The following CNTNAP5 variants were observed in gnomAD, a reference collection of about 807,000 sequenced individuals.
CNTNAP5 encodes the protein contactin-associated protein-like 5.
CNTNAP5 carries 72 observed loss-of-function variants against 150.2 expected under a neutral mutation model. The observed-to-expected ratio is 0.48, with a 90% CI of 0.40 to 0.58. The LOEUF (loss-of-function observed/expected upper bound fraction) is 0.58, where lower values mean the gene tolerates loss of function less well. Ranked by LOEUF, CNTNAP5 falls within the 20% of genes least tolerant of loss-of-function variation. The probability of loss-of-function intolerance (pLI) is 0.00; values close to 1 mark genes in which losing one functional copy is unlikely to be tolerated. For missense variants in CNTNAP5, 1,636 were observed against 1,626.2 expected (o/e 1.01, Z -0.10); for synonymous variants, 672 against 619.8 (o/e 1.08, Z -1.25).
chr2:124,443,890 T>C (rs1692738756), intron 5 of CNTNAP5, among the ~76,000 whole-genome samples: 1 of 151,878 alleles, frequency 6.6e-6, no homozygotes, highest in Non-Finnish European at 1.5e-5. Flanking sequence ...GTTTAATATT[T>C]GGACTTATTA....
intron 13 of CNTNAP5, among the ~76,000 whole-genome samples, chr2:124,715,734 T>C (rs1679931215): frequency 6.6e-6 from 1 of 152,134 alleles, no homozygotes; most frequent in African/African-American, 2.4e-5. Flanking sequence ...GCCTTGGAAA[T>C]GCAATCTTCA....
At chr2:124,775,202 C>T (rs953830822) in intron 17 of CNTNAP5, among the ~76,000 whole-genome samples, 5 of 152,106 alleles carry the variant, frequency 3.3e-5, no homozygotes, top group African/African-American at 1.2e-4. Context: ...TGTCAGGTAG[C>T]CAACAAAGCT....
chr2:124,269,762 TGG>T lies in CNTNAP5; in HGVS notation c.381+27370_381+27371del, dbSNP rs569873668. Among the ~76,000 whole-genome samples the T allele has an allele frequency of 2.3e-3, 344 of 152,266 alleles. 2 individuals are homozygous for T. Among genetic ancestry groups the T allele is most frequent in the African/African-American group, 8.1e-3 (336 of 41,560 alleles). ...CACGACCTTATCCTACAGCATGTGA[TGG>T]AGCAAAGAAGTAAAAAATGTATGTT... On this transcript the variant is annotated intron_variant, in intron 3 of 23. Transcript: ENST00000682447.
At chr2:124,067,218 C>A (rs181357415) in intron 1 of CNTNAP5, among the ~76,000 whole-genome samples, 1 of 152,262 alleles carries the variant, frequency 6.6e-6, no homozygotes, top group East Asian at 1.9e-4. Context: ...AAACTGCCAC[C>A]AACTTCATGG....
At position 124,451,687 on chromosome 2, in the gene CNTNAP5, C is replaced by A. The variant is rs112093070; in HGVS notation, c.918+4750C>A. Among the ~76,000 whole-genome samples the A allele has an allele frequency of 4.1e-4, 63 of 152,102 alleles. 2 individuals are homozygous for A. The highest frequency in any genetic ancestry group is 1.5e-3 in the African/African-American group (61 of 41,470). ...AAAGAAGCAGATTGCTTCTGCAGGA[C>A]CCAGGAGGCACCCCAAATACTGCGA... is the stretch of plus-strand genomic sequence containing the variant. On this transcript the variant is annotated intron_variant, in intron 6 of 23. Coordinates refer to ENST00000682447, the MANE Select transcript of CNTNAP5 (RefSeq NM_001367498.1).
At chr2:124,318,765 T>C (rs1295508931) in intron 3 of CNTNAP5, among the ~76,000 whole-genome samples, 1 of 151,928 alleles carries the variant, frequency 6.6e-6, no homozygotes, top group African/African-American at 2.4e-5. Context: ...CCCCAAAATC[T>C]CCTTCCCCCT....
intron 1 of CNTNAP5, among the ~76,000 whole-genome samples, chr2:124,066,774 C>A (rs1215035818): frequency 1.3e-5 from 2 of 152,076 alleles, no homozygotes; most frequent in African/African-American, 4.8e-5. Context: ...ATGAAGAATG[C>A]CCCAATCATA....
intron 13 of CNTNAP5, among the ~76,000 whole-genome samples, chr2:124,665,938 G>A (rs1444033138): frequency 6.6e-6 from 1 of 151,880 alleles, no homozygotes; most frequent in Non-Finnish European, 1.5e-5. Flanking sequence ...ATTTAATGCT[G>A]CTTTTATAAA....
At chr2:124,025,854 G>A in intron 1 of CNTNAP5, 122 bp downstream of exon 1, 1 of 844,684 alleles carries the variant, frequency 1.2e-6, no homozygotes, top group Non-Finnish European at 2.0e-6. Context: ...GAAAAAAAAT[G>A]CTGATCAGTG....
intron 6 of CNTNAP5, among the ~76,000 whole-genome samples, chr2:124,448,817 G>T (rs1692892997): frequency 6.6e-6 from 1 of 152,150 alleles, no homozygotes; most frequent in Non-Finnish European, 1.5e-5. Flanking sequence ...CTGGTATACA[G>T]AACTTACAAT....
intron 1 of CNTNAP5, among the ~76,000 whole-genome samples, chr2:124,169,347 A>G (rs1420414578): frequency 6.6e-6 from 1 of 152,176 alleles, no homozygotes; most frequent in Non-Finnish European, 1.5e-5. Flanking sequence ...ACAAATGGAC[A>G]AAAGCAGAAT....
At chr2:124,563,135 T>C (rs1411230187) in intron 10 of CNTNAP5, 82 bp from the exon 11 acceptor site, 10 of 807,782 alleles carry the variant, frequency 1.2e-5, no homozygotes, top group Non-Finnish European at 1.9e-5. Context: ...ATTGAGGCAG[T>C]TGGATATGAG....
intron 3 of CNTNAP5, among the ~76,000 whole-genome samples, chr2:124,288,854 G>C (rs531557923): frequency 6.6e-5 from 10 of 152,290 alleles, no homozygotes; most frequent in African/African-American, 2.4e-4. Flanking sequence ...ACAGTGACTG[G>C]AAAGTCAGAG....
intron 7 of CNTNAP5, among the ~76,000 whole-genome samples, chr2:124,486,905 A>G (rs1573407056): frequency 6.6e-6 from 1 of 152,334 alleles, no homozygotes; most frequent in East Asian, 1.9e-4. Context: ...AATTAGAAGT[A>G]CTCTAATAAT....
intron 1 of CNTNAP5, among the ~76,000 whole-genome samples, chr2:124,217,183 C>G (rs1055399039): frequency 2.6e-5 from 4 of 152,010 alleles, no homozygotes; most frequent in Non-Finnish European, 5.9e-5. Flanking sequence ...GTTGTGTGTC[C>G]CATTGGAAGT....
At chr2:124,685,745 T>TGC (rs1679179044) in intron 13 of CNTNAP5, among the ~76,000 whole-genome samples, 1 of 111,972 alleles carries the variant, frequency 8.9e-6, no homozygotes, top group Non-Finnish European at 2.2e-5. Flanking sequence ...AGTAAGTGTG[T>TGC]GTGTGTGTGT....
intron 1 of CNTNAP5, among the ~76,000 whole-genome samples, chr2:124,091,973 T>C (rs1243601592): frequency 6.6e-6 from 1 of 152,218 alleles, no homozygotes; most frequent in Non-Finnish European, 1.5e-5. Flanking sequence ...TCGGCTTCTG[T>C]GCCTTCTTTG....
intron 17 of CNTNAP5, among the ~76,000 whole-genome samples, chr2:124,776,831 A>G (rs1408161406): frequency 6.6e-6 from 1 of 152,228 alleles, no homozygotes; most frequent in African/African-American, 2.4e-5. Context: ...ATCAACGGTG[A>G]AACAAAAAGT....
chr2:124,611,188 C>T (rs539713487), intron 12 of CNTNAP5, among the ~76,000 whole-genome samples: 2 of 152,286 alleles, frequency 1.3e-5, no homozygotes, highest in South Asian at 4.1e-4. Flanking sequence ...TGTAGGCAGA[C>T]ACTGTTTTAG....
Sources: allele counts gnomAD v4.1 joint callset (sites outside exome capture counted in the v4.1 genomes callset), GRCh38; gene constraint gnomAD v4.1.1; transcripts MANE v1.5; gene names NCBI Gene and HGNC (gene_info 2026-07-23, HGNC 2026-07-21).